The following CEP192 variants were observed in gnomAD, a reference collection of about 807,000 sequenced individuals.
CEP192 encodes the protein centrosomal protein 192.
Under a neutral mutation model 271.8 loss-of-function variants are expected in CEP192, and 151 were observed. The observed-to-expected ratio is 0.56, with a 90% CI of 0.49 to 0.64. CEP192 has a LOEUF of 0.64. CEP192 is among the 30% of genes least tolerant of loss of function. CEP192 has a pLI of 0.00. For synonymous variants in CEP192, 995 were observed against 1,076.5 expected, an observed-to-expected ratio of 0.92 and a Z score of 1.48; for missense variants, 2,910 against 3,020.5, an observed-to-expected ratio of 0.96 and a Z score of 0.86.
At chr18:13,106,242 A>T (rs2039939291) in intron 40 of CEP192, among the ~76,000 whole-genome samples, 2 of 151,996 alleles carry the variant, frequency 1.3e-5, no homozygotes, top group African/African-American at 4.8e-5. Flanking sequence ...ACTACCACTC[A>T]TCACTACCAT....
At chr18:13,108,670 C>G (rs542128453) in intron 40 of CEP192, among the ~76,000 whole-genome samples, 1 of 152,292 alleles carries the variant, frequency 6.6e-6, no homozygotes. Context: ...TGGCGAAACT[C>G]TGTCTCTACA....
intron 9 of CEP192, among the ~76,000 whole-genome samples, chr18:13,025,694 G>A (rs1375297314): frequency 1.3e-5 from 2 of 152,146 alleles, no homozygotes; most frequent in South Asian, 2.1e-4. Flanking sequence ...GGTAGTTTGA[G>A]TAATGATAAT....
At chr18:13,105,357 A>G (rs775109908) in intron 40 of CEP192, among the ~76,000 whole-genome samples, 18 of 152,236 alleles carry the variant, frequency 1.2e-4, no homozygotes, top group Non-Finnish European at 2.1e-4. Flanking sequence ...AGTTTTGTCT[A>G]TCAGCTGTAG....
intron 35 of CEP192, 139 bp from the exon 36 acceptor site, chr18:13,096,045 G>A: frequency 1.1e-6 from 1 of 882,444 alleles, no homozygotes; most frequent in Non-Finnish European, 1.7e-6. Flanking sequence ...CCAAGGATTG[G>A]AAATTTCTGT....
chr18:13,123,535 C>T (rs2040770756), intron 44 of CEP192, among the ~76,000 whole-genome samples: 1 of 152,134 alleles, frequency 6.6e-6, no homozygotes, highest in Admixed American at 6.5e-5. Flanking sequence ...CCGAAACGTA[C>T]ATCACTTCTG....
chr18:13,117,488 C>A, intron 43 of CEP192, 97 bp from the exon 44 acceptor site: 2 of 874,992 alleles, frequency 2.3e-6, no homozygotes, highest in Non-Finnish European at 1.8e-6. Context: ...CCTAAATTTA[C>A]AAAATGTATC....
intron 9 of CEP192, among the ~76,000 whole-genome samples, chr18:13,025,669 T>TTA (rs2035253705): frequency 6.6e-6 from 1 of 152,228 alleles, no homozygotes; most frequent in African/African-American, 2.4e-5. Context: ...TCAGATAACA[T>TTA]TACACTGCTT....
chr18:13,096,919 A>C (rs997419282), intron 36 of CEP192, among the ~76,000 whole-genome samples: 1 of 152,244 alleles, frequency 6.6e-6, no homozygotes, highest in Non-Finnish European at 1.5e-5. Context: ...ACAGTTCTGC[A>C]GCTTTTCAGG....
chr18:13,029,856 C>A lies in CEP192; in HGVS notation c.1244C>A (p.Pro415His). The change falls in exon 10 of 45, where the codon CCT (proline) becomes CAT (histidine). Residue 415 changes from proline (P) to histidine (H), a missense_variant. Transcript: ENST00000506447. ...HMDGCLDTET[P>H]TVSIQENVDV... ...GATGGATGTTTAGACACTGAGACTC[C>A]TACGGTGTCCATTCAAGAAAATGTG... The A allele has an allele frequency of 4.5e-6, 7 of 1,551,614 alleles. No individual in the cohort carries two copies. Among genetic ancestry groups the A allele is most frequent in the Non-Finnish European group, 5.2e-6 (6 of 1,146,922 alleles).
chr18:13,002,679 C>G (rs979716986), intron 3 of CEP192, among the ~76,000 whole-genome samples: 1 of 152,136 alleles, frequency 6.6e-6, no homozygotes, highest in South Asian at 2.1e-4. Context: ...TTGATTTTTA[C>G]AGGTAAAAAT....
chr18:13,018,679 A>C, intron 8 of CEP192, 64 bp downstream of exon 8: 3 of 1,136,416 alleles, frequency 2.6e-6, no homozygotes, highest in African/African-American at 3.2e-5. Context: ...TTTTTTAAAA[A>C]AAAAATATTT....
chr18:13,005,642 G>T (rs2033935443), intron 3 of CEP192, among the ~76,000 whole-genome samples: 1 of 152,140 alleles, frequency 6.6e-6, no homozygotes, highest in Non-Finnish European at 1.5e-5. Flanking sequence ...CTTAGAGCTA[G>T]CTCTTGACTC....
rs2037926339 is a variant in CEP192, at chr18:13,069,991, T to C, written c.5174+135T>C. The C allele has an allele frequency of 4.8e-5, 27 of 565,742 alleles. No homozygotes were observed. The South Asian group carries it at 4.8e-4, about 10-fold the overall frequency. The allele number at this position is 565,742 out of a possible 1,614,324, so 35.0% of individuals were successfully genotyped here. A position where few individuals can be genotyped will look rare whatever the true frequency, so the allele number is the denominator to read the frequency against. ...GCTTGGGCAACATGGCGAAATCCTG[T>C]CTCTACTAAAAATACAAAAATTAGC... On this transcript the variant is annotated intron_variant, in intron 27 of 44. Transcript: ENST00000506447.
intron 9 of CEP192, among the ~76,000 whole-genome samples, chr18:13,028,668 C>T (rs1338977057): frequency 3.9e-5 from 6 of 152,006 alleles, no homozygotes; most frequent in Admixed American, 2.6e-4. Context: ...TACAGGTGCC[C>T]GCCACCACGC....
At position 13,030,588 on chromosome 18, in the gene CEP192, A is replaced by G; in HGVS notation, c.1514A>G (p.Asn505Ser). The change falls in exon 11 of 45, where the codon AAT becomes AGT. Residue 505 changes from asparagine (N) to serine (S), a missense_variant. Physicochemically the swap from Asn to Ser is conservative, Grantham distance 46. Transcript: ENST00000506447. ...AATGTGTCTCTAAGTGATGAGATGA[A>G]TGAAGACTTCAGATCTGGTTGTAAG... The part of the protein sequence containing the change: ...NLNVSLSDEM[N>S]EDFRSGSEAF... 1.2e-6 allele frequency: 2 copies of G among 1,609,988 alleles called. No homozygotes were observed. Among genetic ancestry groups the G allele is most frequent in the Non-Finnish European group, 8.5e-7 (1 of 1,176,914 alleles).
At chr18:13,012,067 G>A (rs1035294933) in intron 4 of CEP192, among the ~76,000 whole-genome samples, 2 of 152,188 alleles carry the variant, frequency 1.3e-5, no homozygotes, top group Non-Finnish European at 2.9e-5. Context: ...AAAATGTATG[G>A]TTCTGTTTAT....
At chr18:13,108,236 C>T (rs1286474583) in intron 40 of CEP192, among the ~76,000 whole-genome samples, 1 of 152,090 alleles carries the variant, frequency 6.6e-6, no homozygotes, top group African/African-American at 2.4e-5. Context: ...GGACATTATT[C>T]TTGGGAAAGA....
chr18:13,004,106 A>G (rs2033830031), intron 3 of CEP192, among the ~76,000 whole-genome samples: 1 of 152,224 alleles, frequency 6.6e-6, no homozygotes, highest in African/African-American at 2.4e-5. Context: ...AGCATAGATT[A>G]GGTCATTGGT....
chr18:12,991,613 T>G (rs1303877025), intron 1 of CEP192, among the ~76,000 whole-genome samples, 176 bp downstream of exon 1: 1 of 152,272 alleles, frequency 6.6e-6, no homozygotes, highest in Non-Finnish European at 1.5e-5. Flanking sequence ...TTCCCGCGCC[T>G]CTGCGCCTGG....
Sources: gnomAD v4.1 joint callset for allele counts (sites outside exome capture counted in the v4.1 genomes callset) on GRCh38, gnomAD v4.1.1 for gene constraint, MANE v1.5 for transcripts, NCBI Gene and HGNC (gene_info 2026-07-23, HGNC 2026-07-21) for gene names.